Variants in CALN1 observed in about 807,000 individuals in gnomAD.
CALN1 encodes calneuron 1.
CALN1 carries 17 observed loss-of-function variants against 30.6 expected under a neutral mutation model. The ratio of observed to expected loss-of-function variants is 0.56; its 90% confidence interval spans 0.38 to 0.83. The LOEUF (loss-of-function observed/expected upper bound fraction) is 0.83, where lower values mean the gene tolerates loss of function less well. Ranked by LOEUF, CALN1 falls within the 40% of genes least tolerant of loss-of-function variation. The probability of loss-of-function intolerance (pLI) is 0.00; values close to 1 mark genes in which losing one functional copy is unlikely to be tolerated. For missense variants in CALN1, 291 were observed against 354.9 expected, an observed-to-expected ratio of 0.82 and a Z score of 1.45; for synonymous variants, 156 against 131.4, an observed-to-expected ratio of 1.19 and a Z score of -1.28.
intron 3 of CALN1, among the ~76,000 whole-genome samples, chr7:72,223,995 C>G (rs1022368080): frequency 1.3e-5 from 2 of 152,050 alleles, no homozygotes; most frequent in African/African-American, 4.8e-5. Context: ...GTGGGGACTA[C>G]TAGAGGGAGG....
At chr7:72,234,003 CAAAAT>C (rs903683230) in intron 3 of CALN1, among the ~76,000 whole-genome samples, 1 of 151,738 alleles carries the variant, frequency 6.6e-6, no homozygotes, top group African/African-American at 2.4e-5. Flanking sequence ...GATGTTGTCT[CAAAAT>C]AAATAAATAA....
At chr7:71,928,373 C>T (rs1480684283) in intron 5 of CALN1, among the ~76,000 whole-genome samples, 1 of 149,990 alleles carries the variant, frequency 6.7e-6, no homozygotes, top group Non-Finnish European at 1.5e-5. Flanking sequence ...GAATGCCTAT[C>T]TTTCCATTGA....
intron 3 of CALN1, among the ~76,000 whole-genome samples, chr7:72,222,318 C>T (rs1209190920): frequency 1.3e-5 from 2 of 152,140 alleles, no homozygotes; most frequent in Non-Finnish European, 2.9e-5. Context: ...GTGATGCTGG[C>T]ATCTGCTTGG....
intron 2 of CALN1, among the ~76,000 whole-genome samples, chr7:72,306,603 A>G (rs1799668980): frequency 6.6e-6 from 1 of 151,522 alleles, no homozygotes; most frequent in East Asian, 1.9e-4. Flanking sequence ...GCTTTTAAAT[A>G]AACTCTCATT....
chr7:71,940,036 C>T (rs913006190), intron 5 of CALN1, among the ~76,000 whole-genome samples: 12 of 152,144 alleles, frequency 7.9e-5, no homozygotes, highest in Non-Finnish European at 1.6e-4. Context: ...CCTCCTAAAC[C>T]TTTGTTATTG....
chr7:72,185,028 T>C (rs1020680697), intron 3 of CALN1, among the ~76,000 whole-genome samples: 1 of 152,032 alleles, frequency 6.6e-6, no homozygotes, highest in Non-Finnish European at 1.5e-5. Context: ...TGGTCTCAAA[T>C]TCCTGGGCTC....
At chr7:72,008,656 A>C (rs896429112) in intron 5 of CALN1, among the ~76,000 whole-genome samples, 1 of 140,176 alleles carries the variant, frequency 7.1e-6, no homozygotes, top group Non-Finnish European at 1.5e-5. Flanking sequence ...GAAGACTTTC[A>C]ATTTTTTTTT....
chr7:72,359,278 C>CA (rs2129559680), intron 2 of CALN1, among the ~76,000 whole-genome samples: 2 of 152,302 alleles, frequency 1.3e-5, no homozygotes, highest in African/African-American at 4.8e-5. Context: ...TTCTGAGTCC[C>CA]ATCACACGGT....
rs377434963 is a variant in CALN1, at chr7:72,065,718, C to A, written c.388+40433G>T. Among the ~76,000 whole-genome samples, 12 of 151,950 alleles carry A rather than the reference C, an allele frequency of 7.9e-5. No individual in the cohort carries two copies. In the East Asian group the frequency reaches 1.4e-3, roughly 17 times the overall value. ...ACCAGCCTGGCCAATGTGGTGAAACCCCATCTCCACTAAAAATACAAAAAA... is the reference window on the plus strand; with the variant it reads ...ACCAGCCTGGCCAATGTGGTGAAACACCATCTCCACTAAAAATACAAAAAA... On this transcript the variant is annotated intron_variant, in intron 4 of 6. Coordinates refer to ENST00000395275, the MANE Select transcript of CALN1 (RefSeq NM_031468.4).
chr7:72,451,209 A>AAGAAGGAGGAGG (rs747175718), upstream of CALN1, among the ~76,000 whole-genome samples: 13 of 126,106 alleles, frequency 1.0e-4, no homozygotes, highest in African/African-American at 4.8e-4. Context: ...GAAGAAGAAG[A>AAGAAGGAGGAGG]AGGAGGAGGA....
chr7:71,829,578 T>C (rs1789137541), intron 5 of CALN1, among the ~76,000 whole-genome samples: 1 of 152,214 alleles, frequency 6.6e-6, no homozygotes, highest in East Asian at 1.9e-4. Context: ...AAGTAACTCA[T>C]CATCAGAAAT....
chr7:71,855,130 G>A lies in CALN1; in HGVS notation c.502-44638C>T, dbSNP rs186048686. ...ATAAAGAAGAAAGGGATATGGAATT[G>A]TATGCATCAATGCATGCTAAGGGGA... On this transcript the variant is annotated intron_variant, in intron 5 of 6. Transcript: ENST00000395275. Among the ~76,000 whole-genome samples the A allele has an allele frequency of 1.9e-3, 286 of 152,326 alleles. 1 individual carries two copies. The highest frequency in any genetic ancestry group is 6.3e-3 in the African/African-American group (262 of 41,572).
Position 71,787,372 on chromosome 7 carries a change from G to A in CALN1, c.*403C>T, listed in dbSNP as rs1311042014. 1 of 179,182 alleles carries A rather than the reference G, an allele frequency of 5.6e-6. No individual in the cohort carries two copies. The highest frequency in any genetic ancestry group is 2.3e-5 in the African/African-American group (1 of 43,070). 11.1% of individuals were successfully genotyped at this position (179,182 alleles called of 1,614,324 possible). A position where few individuals can be genotyped will look rare whatever the true frequency, so the allele number is the denominator to read the frequency against. On this transcript the variant is annotated 3_prime_UTR_variant, in exon 7 of 7. Coordinates refer to ENST00000395275, the MANE Select transcript of CALN1 (RefSeq NM_031468.4). ...AGCAGAGAGTCTCCTGTTGACCCTT[G>A]GGTTGAAAGAATGGGGAGTGGAGGT...
rs542279452 is a variant in CALN1, at chr7:71,824,776, G to A, written c.502-14284C>T. Among the ~76,000 whole-genome samples the A allele has an allele frequency of 7.9e-5, 12 of 152,224 alleles. No individual in the cohort carries two copies. The South Asian group carries it at 1.0e-3, about 13-fold the overall frequency. ...CATCTGCAAAAGGCATTTTCCTGCCGAGAGAGAGCTGCCTGGACGATCAAT... is the reference window on the plus strand; with the variant it reads ...CATCTGCAAAAGGCATTTTCCTGCCAAGAGAGAGCTGCCTGGACGATCAAT... On this transcript the variant is annotated intron_variant, in intron 5 of 6. Coordinates refer to ENST00000395275, the MANE Select transcript of CALN1 (RefSeq NM_031468.4).
In CALN1 at chr7:72,198,954, C is replaced by T. The variant is rs1298905838; in HGVS notation, c.244+79732G>A. On this transcript the variant is annotated intron_variant, in intron 3 of 6. Coordinates refer to ENST00000395275, the MANE Select transcript of CALN1 (RefSeq NM_031468.4). ...CCTTAAGAAAGGATCTGTCCAGAAC[C>T]ATCTGAAGAATGAGTAGAGGTTTAA... Among the ~76,000 whole-genome samples, 3 of 151,910 alleles carry T rather than the reference C, an allele frequency of 2.0e-5. No homozygotes were observed. The East Asian group carries it at 5.8e-4, about 29-fold the overall frequency.
At chr7:72,157,874 G>C (rs142928551) in intron 3 of CALN1, among the ~76,000 whole-genome samples, 1,561 of 152,234 alleles carry the variant, frequency 0.01, 25 homozygotes, top group African/African-American at 0.036. Flanking sequence ...CTCCAGAGTA[G>C]CTGGGATTAC....
intron 5 of CALN1, among the ~76,000 whole-genome samples, chr7:71,990,411 T>C (rs1273460762): frequency 6.6e-6 from 1 of 151,886 alleles, no homozygotes; most frequent in Non-Finnish European, 1.5e-5. Context: ...GAATACTCAA[T>C]CGAGCAGCCC....
intron 5 of CALN1, among the ~76,000 whole-genome samples, chr7:71,912,896 G>C (rs1047846930): frequency 2.4e-4 from 37 of 152,172 alleles, no homozygotes; most frequent in African/African-American, 8.7e-4. Context: ...CTCAGACTCA[G>C]CAGTTTCTGC....
At chr7:72,401,269 G>A (rs565626539) in intron 2 of CALN1, among the ~76,000 whole-genome samples, 205 of 152,110 alleles carry the variant, frequency 1.3e-3, no homozygotes, top group African/African-American at 4.4e-3. Flanking sequence ...CTGAACCTAA[G>A]GGGAGAACAC....
Sources: gnomAD v4.1 joint callset for allele counts (sites outside exome capture counted in the v4.1 genomes callset) on GRCh38, gnomAD v4.1.1 for gene constraint, MANE v1.5 for transcripts, NCBI Gene and HGNC (gene_info 2026-07-23, HGNC 2026-07-21) for gene names.